ESRRB: variants seen among roughly 807,000 people sequenced by gnomAD.
ESRRB encodes the protein estrogen related receptor beta, also known as steroid hormone receptor ERR2.
In ESRRB, 16 loss-of-function variants were observed where a neutral mutation model predicts 46.0. The ratio of observed to expected loss-of-function variants is 0.35; its 90% confidence interval spans 0.24 to 0.53. The LOEUF is 0.53. Among genes scored for constraint, ESRRB ranks in the 20% least tolerant of loss-of-function variants. The pLI, the probability that ESRRB is intolerant of heterozygous loss-of-function variation, is 0.93. For missense variants in ESRRB, 488 were observed against 607.4 expected (o/e 0.80, Z 2.07); for synonymous variants, 246 against 259.6 (o/e 0.95, Z 0.50).
rs370814581 is a variant in ESRRB at position 76,477,117 on chromosome 14, C to T, written c.578-4899C>T. 7.9e-5 allele frequency among the ~76,000 whole-genome samples: 12 copies of T among 152,146 alleles called. No individual in the cohort carries two copies. The East Asian group carries it at 1.7e-3, about 22-fold the overall frequency. On this transcript the variant is annotated intron_variant, in intron 3 of 6. Coordinates refer to ENST00000644823, the MANE Select transcript of ESRRB (RefSeq NM_001379180.1). Reference sequence around the variant, plus strand: ...AAAAACAGTAAAAAAAGGAGAAGGCCGCTTCACTTTGGTGGGGTTCCATCT... The same window carrying T: ...AAAAACAGTAAAAAAAGGAGAAGGCTGCTTCACTTTGGTGGGGTTCCATCT...
chr14:76,333,642 CAAAA>C (rs1044103218), intron 1 of ESRRB, among the ~76,000 whole-genome samples: 2 of 149,982 alleles, frequency 1.3e-5, no homozygotes, highest in African/African-American at 2.5e-5. Context: ...TTTTTTAAGT[CAAAA>C]GAAACAGTTG....
In ESRRB at chr14:76,426,021, TA is replaced by T. The variant is rs552990986; in HGVS notation, c.51-13319del. Among the ~76,000 whole-genome samples, 4 of 152,356 alleles carry T rather than the reference TA, an allele frequency of 2.6e-5. No individual in the cohort carries two copies. In the South Asian group the frequency reaches 8.3e-4, roughly 32 times the overall value. Reference sequence around the variant, plus strand: ...CTATTTGGCTGTTTACTTATCATGTTAGGGGGGATGACACTTGTCATTATTT... The same window carrying T: ...CTATTTGGCTGTTTACTTATCATGTTGGGGGGATGACACTTGTCATTATTT... On this transcript the variant is annotated intron_variant, in intron 1 of 6. Coordinates refer to ENST00000644823, the MANE Select transcript of ESRRB (RefSeq NM_001379180.1).
chr14:76,374,271 G>A (rs912044319), upstream of ESRRB, among the ~76,000 whole-genome samples: 3 of 152,212 alleles, frequency 2.0e-5, no homozygotes, highest in African/African-American at 7.2e-5. Flanking sequence ...GGGAAGGGTG[G>A]AGGAGGGAAT....
chr14:76,329,805 A>C (rs901221067), intron 1 of ESRRB, among the ~76,000 whole-genome samples: 1 of 152,106 alleles, frequency 6.6e-6, no homozygotes. Context: ...CTTCATTTCC[A>C]ATCAAAGCAC....
intron 3 of ESRRB, among the ~76,000 whole-genome samples, chr14:76,464,431 A>G (rs1037011127): frequency 3.3e-5 from 5 of 152,216 alleles, no homozygotes; most frequent in Non-Finnish European, 5.9e-5. Context: ...TACCATTTCC[A>G]GGTCCCCCAC....
At chr14:76,311,775 G>A (rs193116192) in intron 1 of ESRRB, among the ~76,000 whole-genome samples, 6 of 152,206 alleles carry the variant, frequency 3.9e-5, no homozygotes, top group Non-Finnish European at 2.9e-5. Flanking sequence ...ATAGTGTGCC[G>A]GCTCTGAGTG....
At position 76,491,438 on chromosome 14, in the gene ESRRB, T is replaced by C. The variant is rs1329538715; in HGVS notation, c.851-9T>C. 1 of 1,607,954 alleles carries C rather than the reference T, an allele frequency of 6.2e-7. No homozygotes were observed. The highest frequency in any genetic ancestry group is 8.5e-7 in the Non-Finnish European group (1 of 1,178,114). On this transcript the variant is annotated splice_polypyrimidine_tract_variant and intron_variant, in intron 5 of 6. Coordinates refer to ENST00000644823, the MANE Select transcript of ESRRB (RefSeq NM_001379180.1). Reference sequence around the variant, plus strand: ...CTGCTGCTGCCCTCTGTGCCCCCTCTTCCTGCAGGCTTCTCAAGCCTCTCC... The same window carrying C: ...CTGCTGCTGCCCTCTGTGCCCCCTCCTCCTGCAGGCTTCTCAAGCCTCTCC...
At chr14:76,350,532 G>C (rs1013383366) in intron 1 of ESRRB, among the ~76,000 whole-genome samples, 2 of 152,206 alleles carry the variant, frequency 1.3e-5, no homozygotes, top group Non-Finnish European at 2.9e-5. Context: ...GAAGCCACTA[G>C]TGTCTGTAAC....
At chr14:76,316,602 A>C (rs1176052046) in intron 1 of ESRRB, among the ~76,000 whole-genome samples, 1 of 152,040 alleles carries the variant, frequency 6.6e-6, no homozygotes, top group Non-Finnish European at 1.5e-5. Flanking sequence ...ACTTCTAGTC[A>C]CTTCATCACA....
At chr14:76,311,835 A>G (rs1883739046) in intron 1 of ESRRB, among the ~76,000 whole-genome samples, 1 of 152,234 alleles carries the variant, frequency 6.6e-6, no homozygotes, top group Non-Finnish European at 1.5e-5. Context: ...TCCTGTGTCC[A>G]CGGGGCTTAC....
intron 1 of ESRRB, among the ~76,000 whole-genome samples, chr14:76,425,043 C>T (rs1234244241): frequency 6.6e-6 from 1 of 152,152 alleles, no homozygotes; most frequent in Admixed American, 6.5e-5. Context: ...GCCACTGCGC[C>T]TGGCCTGATG....
At chr14:76,349,576 A>C (rs1884289836) in intron 1 of ESRRB, among the ~76,000 whole-genome samples, 1 of 152,200 alleles carries the variant, frequency 6.6e-6, no homozygotes, top group Non-Finnish European at 1.5e-5. Flanking sequence ...TCTAGAATGA[A>C]TGAATGAATG....
intron 1 of ESRRB, among the ~76,000 whole-genome samples, chr14:76,329,287 C>T (rs1566852321): frequency 6.6e-6 from 1 of 152,056 alleles, no homozygotes. Flanking sequence ...GGTTTAACTC[C>T]CTTTGACCTT....
rs1458771120 is a variant in ESRRB at position 76,491,695 on chromosome 14, G to A, written c.1099G>A (p.Ala367Thr). 1.3e-6 allele frequency: 2 copies of A among 1,583,416 alleles called. No homozygotes were observed. The highest frequency in any genetic ancestry group is 1.7e-6 in the Non-Finnish European group (2 of 1,166,732). The change falls in exon 6 of 7, where the codon GCC (alanine) becomes ACC (threonine). Residue 367 changes from alanine (A) to threonine (T), a missense_variant. By Grantham distance (58) the Ala-to-Thr change is moderately conservative. Transcript: ENST00000644823. ...GAAGGAGGAGTTTGTGACGCTCAAG[G>A]CCCTGGCCCTCGCCAACTCCGGTAA... ...VEKEEFVTLK[A>T]LALANSDSMY...
chr14:76,362,776 G>C (rs1884479197), intron 1 of ESRRB, among the ~76,000 whole-genome samples: 1 of 152,190 alleles, frequency 6.6e-6, no homozygotes, highest in Non-Finnish European at 1.5e-5. Context: ...GGGGGTGGGG[G>C]TGAAGGACTG....
At chr14:76,472,480 G>T (rs1316617013) in intron 3 of ESRRB, among the ~76,000 whole-genome samples, 1 of 152,198 alleles carries the variant, frequency 6.6e-6, no homozygotes, top group African/African-American at 2.4e-5. Context: ...TAGCTACAAG[G>T]CTCTCTCTCT....
At chr14:76,377,777 G>C (rs1389127057) in intron 1 of ESRRB, among the ~76,000 whole-genome samples, 3 of 152,082 alleles carry the variant, frequency 2.0e-5, no homozygotes, top group African/African-American at 7.2e-5. Flanking sequence ...CCTCCACCAC[G>C]GTGCACCCCG....
chr14:76,373,497 C>CCCA (rs1357403249), upstream of ESRRB, among the ~76,000 whole-genome samples: 11 of 152,148 alleles, frequency 7.2e-5, no homozygotes, highest in Non-Finnish European at 1.2e-4. Flanking sequence ...AGGAATCCAT[C>CCCA]CTCCGTGAGT....
chr14:76,334,296 G>A (rs1020764400), intron 1 of ESRRB, among the ~76,000 whole-genome samples: 35 of 152,140 alleles, frequency 2.3e-4, no homozygotes, highest in Non-Finnish European at 3.5e-4. Context: ...AGCAACATGC[G>A]CAGAGCTCGA....
Sources: gnomAD v4.1 joint callset for allele counts (sites outside exome capture counted in the v4.1 genomes callset) on GRCh38, gnomAD v4.1.1 for gene constraint, MANE v1.5 for transcripts, NCBI Gene and HGNC (gene_info 2026-07-23, HGNC 2026-07-21) for gene names.